STK33: variants seen among roughly 807,000 people sequenced by gnomAD.
STK33 encodes serine/threonine kinase 33.
STK33 carries 52 observed loss-of-function variants against 58.0 expected under a neutral mutation model. That is an observed-to-expected ratio of 0.90 (90% CI 0.72 to 1.13). The LOEUF (loss-of-function observed/expected upper bound fraction) is 1.13. STK33 is among the 50% of genes most tolerant of loss of function. The pLI is 0.00. For missense variants in STK33, 630 were observed against 604.2 expected (o/e 1.04, Z -0.45); for synonymous variants, 215 against 200.1 (o/e 1.07, Z -0.63).
At chr11:8,345,467 G>A in the STK33 span, among the ~76,000 whole-genome samples, 32 of 152,354 alleles carry the variant, frequency 2.1e-4, no homozygotes, top group South Asian at 2.1e-4. Flanking sequence ...GCAGGATGCC[G>A]GGGAAAATGC....
rs796992204 is a variant in STK33 at position 8,496,578 on chromosome 11, A to ATT, written c.-465-15966_-465-15965dup. Reference sequence around the variant, plus strand: ...TTAAAATAAGCCTGTGTGATATTTCATTTTTTTTTTTTTTGAGATGGAGTC... The same window carrying ATT: ...TTAAAATAAGCCTGTGTGATATTTCATTTTTTTTTTTTTTTTGAGATGGAGTC... On this transcript the variant is annotated intron_variant, in intron 1 of 15. Transcript: ENST00000687296. 3.3e-4 allele frequency among the ~76,000 whole-genome samples: 47 copies of ATT among 142,866 alleles called. 1 individual carries two copies. The highest frequency in any genetic ancestry group is 9.5e-4 in the African/African-American group (37 of 39,144). 93.7% of individuals were successfully genotyped at this position (142,866 alleles called of 152,430 possible). A position where few individuals can be genotyped will look rare whatever the true frequency, so the allele number is the denominator to read the frequency against.
chr11:8,404,820 T>C (rs1041115373), intron 15 of STK33, among the ~76,000 whole-genome samples: 4 of 152,200 alleles, frequency 2.6e-5, no homozygotes, highest in Non-Finnish European at 4.4e-5. Context: ...GATTGCTGGA[T>C]AAATGGTAAA....
chr11:8,374,869 A>C, the STK33 span, among the ~76,000 whole-genome samples: 1 of 150,614 alleles, frequency 6.6e-6, no homozygotes. Context: ...CCACCAGCCC[A>C]CCTCTCCCTC....
chr11:8,369,295 C>CTGTGTGTGTGTGTG, the STK33 span, among the ~76,000 whole-genome samples: 1,478 of 137,712 alleles, frequency 0.011, 19 homozygotes, highest in African/African-American at 0.024. Flanking sequence ...GGTTTTTACT[C>CTGTGTGTGTGTGTG]TGTGTGTGTG....
intron 9 of STK33, 78 bp from the exon 10 acceptor site, chr11:8,454,910 T>A: frequency 7.5e-7 from 1 of 1,336,386 alleles, no homozygotes; most frequent in East Asian, 2.8e-5. Flanking sequence ...TTAAATATAT[T>A]TGACAAATTA....
At chr11:8,443,636 A>G (rs1360070662) in intron 11 of STK33, among the ~76,000 whole-genome samples, 7 of 152,040 alleles carry the variant, frequency 4.6e-5, no homozygotes, top group Non-Finnish European at 1.0e-4. Context: ...AGGAAAATAT[A>G]CAGCCTCCAA....
At chr11:8,348,345 T>G in the STK33 span, among the ~76,000 whole-genome samples, 3 of 152,292 alleles carry the variant, frequency 2.0e-5, no homozygotes, top group African/African-American at 7.2e-5. Context: ...CTTACAATCT[T>G]GGCGGAAGGG....
At chr11:8,406,097 C>T (rs1456216614) in intron 15 of STK33, among the ~76,000 whole-genome samples, 2 of 145,552 alleles carry the variant, frequency 1.4e-5, no homozygotes, top group Admixed American at 7.1e-5. Flanking sequence ...GAGCCGAGAT[C>T]GCGCCACCGC....
At chr11:8,588,766 T>A (rs961396277) in intron 1 of STK33, among the ~76,000 whole-genome samples, 2 of 152,108 alleles carry the variant, frequency 1.3e-5, no homozygotes, top group African/African-American at 4.8e-5. Context: ...AAATCAAATA[T>A]CTGAGAATAG....
intron 14 of STK33, among the ~76,000 whole-genome samples, chr11:8,418,764 T>C (rs1002207087): frequency 2.6e-5 from 4 of 152,214 alleles, no homozygotes; most frequent in Admixed American, 6.5e-5. Flanking sequence ...TGTTATTTTT[T>C]TACTTTTTAG....
intron 1 of STK33, among the ~76,000 whole-genome samples, chr11:8,509,454 A>G (rs909281377): frequency 2.0e-5 from 3 of 152,330 alleles, no homozygotes; most frequent in African/African-American, 7.2e-5. Flanking sequence ...TTTCCAGCAG[A>G]TCCTGAATCT....
intron 1 of STK33, among the ~76,000 whole-genome samples, chr11:8,571,237 C>T (rs774608820): frequency 8.5e-5 from 13 of 152,134 alleles, no homozygotes; most frequent in Non-Finnish European, 1.5e-4. Flanking sequence ...CTGATACAAG[C>T]ATATGTGAGG....
At chr11:8,482,720 T>A (rs1158865359) in intron 1 of STK33, among the ~76,000 whole-genome samples, 6 of 151,918 alleles carry the variant, frequency 3.9e-5, no homozygotes, top group Admixed American at 1.3e-4. Flanking sequence ...TATTTTTATT[T>A]TTTATTTATT....
intron 15 of STK33, among the ~76,000 whole-genome samples, chr11:8,399,768 A>G (rs888492360): frequency 3.3e-5 from 5 of 152,228 alleles, no homozygotes; most frequent in African/African-American, 1.2e-4. Context: ...TAGATGCAAC[A>G]AAAAATGATA....
rs202092618 is a variant in STK33, at chr11:8,394,852, C to A, written c.1345-2142G>T. On this transcript the variant is annotated intron_variant, in intron 15 of 15. Coordinates refer to ENST00000687296, the MANE Select transcript of STK33 (RefSeq NM_001352389.2). ...GTAGTAAGATAAGAAAATGATTTTC[C>A]TCAGCCAAATTTTTTTGTAATTTTA... Among the ~76,000 whole-genome samples the A allele has an allele frequency of 7.2e-5, 11 of 152,116 alleles. No individual in the cohort carries two copies. The East Asian group carries it at 1.4e-3, about 19-fold the overall frequency.
At chr11:8,420,408 A>C (rs574217424) in intron 14 of STK33, among the ~76,000 whole-genome samples, 15 of 152,306 alleles carry the variant, frequency 9.8e-5, no homozygotes, top group African/African-American at 3.4e-4. Flanking sequence ...TTCAGGAGAA[A>C]ACGGTTTGAG....
Position 8,413,597 on chromosome 11 carries a change from T to C in STK33, c.1242A>G (p.Glu414=), listed in dbSNP as rs376836438. ...CTTCAGTGGACGGCTTATTCTTCTC[T>C]TCTGTTGTGTTTTCCTCAACACTTT... ...NPESVEENTT[E]EKNKPSTEEK... Residue 414 remains glutamate, a synonymous_variant, in exon 15 of 16, where the codon GAA becomes GAG. Transcript: ENST00000687296. 5 of 1,613,978 alleles carry C rather than the reference T, an allele frequency of 3.1e-6. No individual in the cohort carries two copies. Among genetic ancestry groups the C allele is most frequent in the East Asian group, 2.2e-5 (1 of 44,886 alleles).
At chr11:8,450,631 C>A (rs1269779662) in intron 11 of STK33, among the ~76,000 whole-genome samples, 80 of 151,428 alleles carry the variant, frequency 5.3e-4, no homozygotes, top group Non-Finnish European at 1.2e-4. Flanking sequence ...AAAAAAAGTT[C>A]AAGAAGTTAA....
At chr11:8,450,177 C>T (rs2136845503) in intron 11 of STK33, among the ~76,000 whole-genome samples, 1 of 152,164 alleles carries the variant, frequency 6.6e-6, no homozygotes, top group East Asian at 1.9e-4. Flanking sequence ...CAATGATAGA[C>T]TGGATAAAGA....
Sources: allele counts gnomAD v4.1 joint callset (sites outside exome capture counted in the v4.1 genomes callset), GRCh38; gene constraint gnomAD v4.1.1; transcripts MANE v1.5; gene names NCBI Gene and HGNC (gene_info 2026-07-23, HGNC 2026-07-21).